The following FAP variants were observed in gnomAD, a reference collection of about 807,000 sequenced individuals.
The protein encoded by FAP is fibroblast activation protein alpha, also known as prolyl endopeptidase FAP.
A neutral mutation model predicts 126.5 loss-of-function variants in FAP; 110 were observed. That is an observed-to-expected ratio of 0.87 (90% CI 0.74 to 1.02). The LOEUF is 1.02. FAP is among the 50% of genes least tolerant of loss of function. The pLI is 0.00. For synonymous variants in FAP, 334 were observed against 297.3 expected, an observed-to-expected ratio of 1.12 and a Z score of -1.27; for missense variants, 919 against 909.2, an observed-to-expected ratio of 1.01 and a Z score of -0.14.
intron 25 of FAP, chr2:162,171,898 A>ATTTCCTT (rs1415975216): frequency 4.0e-4 from 61 of 152,160 alleles, no homozygotes; most frequent in African/African-American, 1.3e-3. Context: ...CCTCAAACAA[A>ATTTCCTT]TTTCCTTTTA....
intron 2 of FAP, among the ~76,000 whole-genome samples, chr2:162,231,968 C>T (rs559503423): frequency 6.6e-6 from 1 of 152,264 alleles, no homozygotes; most frequent in East Asian, 1.9e-4. Context: ...TCAGGGAAAA[C>T]ACATCCATCT....
chr2:162,198,524 G>A lies in FAP; in HGVS notation c.1402+233C>T, dbSNP rs535408995. The A allele has an allele frequency of 2.0e-4, 140 of 696,234 alleles. No individual in the cohort carries two copies. The African/African-American group carries it at 2.3e-3, about 11-fold the overall frequency. 43.1% of individuals were successfully genotyped at this position (696,234 alleles called of 1,614,324 possible). Reference sequence around the variant, plus strand: ...CCTGGCTGATGCTTAGCTGCAGTGCGGACCTTTTGGCAAGTTACCCTGTTT... The same window carrying A: ...CCTGGCTGATGCTTAGCTGCAGTGCAGACCTTTTGGCAAGTTACCCTGTTT... On this transcript the variant is annotated intron_variant, in intron 16 of 25. Coordinates refer to ENST00000188790, the MANE Select transcript of FAP (RefSeq NM_004460.5).
At chr2:162,236,260 TTTCTC>T (rs1380744416) in intron 2 of FAP, among the ~76,000 whole-genome samples, 2 of 152,274 alleles carry the variant, frequency 1.3e-5, no homozygotes, top group African/African-American at 4.8e-5. Context: ...GATTTATAAT[TTTCTC>T]TTCTTGTGAC....
intron 20 of FAP, 45 bp from the exon 21 acceptor site, chr2:162,183,513 A>T (rs767310460): frequency 1.1e-5 from 12 of 1,102,402 alleles, no homozygotes; most frequent in Non-Finnish European, 1.4e-5. Flanking sequence ...GTGTATACAC[A>T]TGACATTTAC....
At chr2:162,202,125 G>C (rs1688522602) in intron 14 of FAP, among the ~76,000 whole-genome samples, 1 of 152,224 alleles carries the variant, frequency 6.6e-6, no homozygotes, top group Non-Finnish European at 1.5e-5. Flanking sequence ...CACTAAGAGA[G>C]GATCCCTAGA....
intron 20 of FAP, among the ~76,000 whole-genome samples, chr2:162,186,489 T>A (rs1295101290): frequency 6.6e-6 from 1 of 152,108 alleles, no homozygotes; most frequent in East Asian, 1.9e-4. Flanking sequence ...TAAGAAGCTA[T>A]TTCTTCTTAG....
At chr2:162,183,715 G>T in intron 20 of FAP, 1 of 341,282 alleles carries the variant, frequency 2.9e-6, no homozygotes, top group East Asian at 5.8e-5. Context: ...GCGGTATAAG[G>T]CCTTGTAGTC....
chr2:162,182,673 A>C (rs778259916), intron 21 of FAP, among the ~76,000 whole-genome samples: 1 of 152,216 alleles, frequency 6.6e-6, no homozygotes, highest in Non-Finnish European at 1.5e-5. Context: ...GCAAATGTAC[A>C]AATTCAGACC....
rs776673115 is a variant in FAP, at chr2:162,219,945, G to A, written c.414-20C>T. ...AATTCTCTAGAAGGAAAGAAAGAAA[G>A]AAAAACAACAAACCTTGCTGTTTAA... On this transcript the variant is annotated intron_variant, in intron 6 of 25. Transcript: ENST00000188790. The A allele has an allele frequency of 6.5e-7, 1 of 1,545,840 alleles. No homozygotes were observed. Among genetic ancestry groups the A allele is most frequent in the Non-Finnish European group, 8.9e-7 (1 of 1,121,528 alleles).
chr2:162,234,556 G>A (rs1290791061), intron 2 of FAP, among the ~76,000 whole-genome samples: 1 of 152,084 alleles, frequency 6.6e-6, no homozygotes, highest in African/African-American at 2.4e-5. Context: ...TTCAAATCTG[G>A]ATACTTTATA....
intron 21 of FAP, among the ~76,000 whole-genome samples, chr2:162,177,780 T>A (rs968059139): frequency 2.0e-5 from 3 of 152,206 alleles, no homozygotes; most frequent in Non-Finnish European, 4.4e-5. Context: ...GTCTGTCCTG[T>A]CAATGAATGT....
chr2:162,223,461 T>A, intron 6 of FAP, 147 bp downstream of exon 6: 1 of 514,308 alleles, frequency 1.9e-6, no homozygotes, highest in South Asian at 3.6e-5. Flanking sequence ...TTTGTAAGCT[T>A]TATGGGTACA....
chr2:162,189,042 G>A (rs1687950076), intron 19 of FAP, 61 bp downstream of exon 19: 2 of 1,045,424 alleles, frequency 1.9e-6, no homozygotes. Flanking sequence ...TTTCATAAAT[G>A]TGTATTTCAT....
chr2:162,218,383 T>A (rs1008023132), intron 8 of FAP, among the ~76,000 whole-genome samples: 7 of 152,166 alleles, frequency 4.6e-5, no homozygotes, highest in Non-Finnish European at 1.0e-4. Flanking sequence ...TGTAATTTTT[T>A]AAATAAATAA....
chr2:162,210,551 A>G (rs1011153722), intron 11 of FAP, among the ~76,000 whole-genome samples: 1 of 152,180 alleles, frequency 6.6e-6, no homozygotes, highest in Admixed American at 6.5e-5. Context: ...CAGATGGTTC[A>G]GTATGGCTGA....
At chr2:162,219,418 C>T (rs1188542401) in intron 7 of FAP, among the ~76,000 whole-genome samples, 2 of 152,104 alleles carry the variant, frequency 1.3e-5, no homozygotes, top group Non-Finnish European at 2.9e-5. Context: ...TTAGTTGTTT[C>T]ATTAACCCCA....
chr2:162,173,042 C>A, intron 24 of FAP, 107 bp downstream of exon 24: 1 of 1,174,284 alleles, frequency 8.5e-7, no homozygotes, highest in Non-Finnish European at 1.3e-6. Context: ...GTCCCTGACT[C>A]TTAGGTACTG....
chr2:162,203,040 C>T lies in FAP; in HGVS notation c.1152+1G>A, dbSNP rs777856285. Reference sequence around the variant, plus strand: ...GGAGATAAATCTTGGAAGGAACGTACCACAGTGTCTTTGATATAGTGAATA... The same window carrying T: ...GGAGATAAATCTTGGAAGGAACGTATCACAGTGTCTTTGATATAGTGAATA... On this transcript the variant is annotated splice_donor_variant, in intron 13 of 25. Coordinates refer to ENST00000188790, the MANE Select transcript of FAP (RefSeq NM_004460.5). LOFTEE classifies it high-confidence loss of function. 1.2e-6 allele frequency: 2 copies of T among 1,609,384 alleles called. No homozygotes were observed. The highest frequency in any genetic ancestry group is 1.1e-5 in the South Asian group (1 of 90,934).
chr2:162,208,459 G>A (rs1194751258), intron 12 of FAP, among the ~76,000 whole-genome samples: 2 of 152,154 alleles, frequency 1.3e-5, no homozygotes, highest in Non-Finnish European at 1.5e-5. Context: ...AATGTTTATA[G>A]ATGCTCAAGA....
Sources: allele counts gnomAD v4.1 joint callset (sites outside exome capture counted in the v4.1 genomes callset), GRCh38; gene constraint gnomAD v4.1.1; transcripts MANE v1.5; gene names NCBI Gene and HGNC (gene_info 2026-07-23, HGNC 2026-07-21).